AGBL1: variants seen among roughly 807,000 people sequenced by gnomAD.
AGBL1 encodes the protein AGBL carboxypeptidase 1, also known as cytosolic carboxypeptidase 4.
Under a neutral mutation model 118.9 loss-of-function variants are expected in AGBL1, and 130 were observed. The observed-to-expected ratio is 1.09, with a 90% CI of 0.95 to 1.26. The LOEUF (loss-of-function observed/expected upper bound fraction) is 1.26. AGBL1 is among the 50% of genes most tolerant of loss of function. The probability of loss-of-function intolerance (pLI) is 0.00; values close to 1 mark genes in which losing one functional copy is unlikely to be tolerated. For missense variants in AGBL1, 1,584 were observed against 1,298.1 expected, an observed-to-expected ratio of 1.22 and a Z score of -3.38; for synonymous variants, 555 against 478.9, an observed-to-expected ratio of 1.16 and a Z score of -2.08.
chr15:86,470,927 A>C (rs1440219468), intron 18 of AGBL1, among the ~76,000 whole-genome samples: 2 of 152,072 alleles, frequency 1.3e-5, no homozygotes, highest in African/African-American at 4.8e-5. Context: ...GTTTTGGTGG[A>C]GTCTTTAGGA....
chr15:86,527,541 C>G (rs2083283342), intron 19 of AGBL1, among the ~76,000 whole-genome samples: 1 of 152,118 alleles, frequency 6.6e-6, no homozygotes, highest in Non-Finnish European at 1.5e-5. Context: ...TAATGAGTCT[C>G]CTGCTGGCAG....
intron 1 of AGBL1, among the ~76,000 whole-genome samples, chr15:86,113,565 T>C (rs1597409934): frequency 6.6e-6 from 1 of 152,048 alleles, no homozygotes; most frequent in Admixed American, 6.6e-5. Context: ...GGATTACAGG[T>C]GTGAGCCACT....
At chr15:86,196,623 A>C (rs2077806774) in intron 5 of AGBL1, among the ~76,000 whole-genome samples, 1 of 152,174 alleles carries the variant, frequency 6.6e-6, no homozygotes, top group Non-Finnish European at 1.5e-5. Context: ...AGTGTCAAGT[A>C]GATCACTAAC....
rs557613909 is a variant in AGBL1, at chr15:86,491,429, T to G, written c.2556-31381T>G. Among the ~76,000 whole-genome samples, 68 of 152,200 alleles carry G rather than the reference T, an allele frequency of 4.5e-4. 3 individuals are homozygous for G. In the South Asian group the frequency reaches 0.011, roughly 25 times the overall value. ...TGCTAAGGGATCCTTTCTGACTCTA[T>G]CCAGAGAGCTCTGGGAATTCTGTGA... On this transcript the variant is annotated intron_variant, in intron 18 of 22. Coordinates refer to ENST00000614907, the MANE Select transcript of AGBL1 (RefSeq NM_001386094.1).
intron 21 of AGBL1, among the ~76,000 whole-genome samples, chr15:86,637,333 C>G (rs2085113536): frequency 6.6e-6 from 1 of 151,904 alleles, no homozygotes; most frequent in Non-Finnish European, 1.5e-5. Flanking sequence ...GAGGAATGAC[C>G]TGGGTGAAGG....
chr15:86,482,724 T>C (rs1480406316), intron 18 of AGBL1, among the ~76,000 whole-genome samples: 1 of 152,152 alleles, frequency 6.6e-6, no homozygotes, highest in Non-Finnish European at 1.5e-5. Flanking sequence ...CTTGTAGTCA[T>C]GTTCTTGCCA....
intron 1 of AGBL1, among the ~76,000 whole-genome samples, chr15:86,108,929 C>T (rs1897207333): frequency 6.6e-6 from 1 of 152,154 alleles, no homozygotes; most frequent in Non-Finnish European, 1.5e-5. Flanking sequence ...TGCTCTCCAA[C>T]CTGGGCAACA....
At chr15:86,203,431 G>A (rs986187619) in intron 5 of AGBL1, among the ~76,000 whole-genome samples, 3 of 152,106 alleles carry the variant, frequency 2.0e-5, no homozygotes, top group Non-Finnish European at 4.4e-5. Flanking sequence ...TCTGAAACTG[G>A]CAACCTAAAT....
intron 23 of AGBL1, among the ~76,000 whole-genome samples, chr15:86,947,195 T>C (rs1361549002): frequency 1.3e-5 from 2 of 152,346 alleles, no homozygotes; most frequent in East Asian, 1.9e-4. Flanking sequence ...CCGGCTCCTG[T>C]TGACTAAGTA....
chr15:86,697,947 C>G (rs1054129115), intron 22 of AGBL1, among the ~76,000 whole-genome samples: 1 of 151,948 alleles, frequency 6.6e-6, no homozygotes, highest in Non-Finnish European at 1.5e-5. Flanking sequence ...CTCCCAGGTC[C>G]TGCAACAACA....
At chr15:86,364,657 C>CAA (rs1473322560) in intron 17 of AGBL1, among the ~76,000 whole-genome samples, 3 of 152,048 alleles carry the variant, frequency 2.0e-5, no homozygotes, top group Non-Finnish European at 4.4e-5. Context: ...TATTGATATA[C>CAA]AACTGTATTT....
chr15:86,586,041 G>A (rs757701343), intron 21 of AGBL1, among the ~76,000 whole-genome samples: 12 of 152,218 alleles, frequency 7.9e-5, no homozygotes, highest in Non-Finnish European at 1.6e-4. Flanking sequence ...CTGTCGGCAT[G>A]CCTCTGCACC....
chr15:86,170,353 G>A (rs1597488420), intron 5 of AGBL1, among the ~76,000 whole-genome samples: 1 of 152,208 alleles, frequency 6.6e-6, no homozygotes, highest in East Asian at 1.9e-4. Flanking sequence ...GAGCACTAGT[G>A]AACTATGGGA....
chr15:86,764,769 C>T (rs1042527413), intron 22 of AGBL1, among the ~76,000 whole-genome samples: 3 of 151,964 alleles, frequency 2.0e-5, no homozygotes, highest in African/African-American at 2.4e-5. Context: ...TTTATAACTA[C>T]GAAATTTTTA....
chr15:86,683,576 T>C (rs1212821311), intron 22 of AGBL1, among the ~76,000 whole-genome samples: 1 of 152,094 alleles, frequency 6.6e-6, no homozygotes. Flanking sequence ...ACATTGCCAG[T>C]CAACATGGGG....
chr15:86,598,312 C>A (rs981229681), intron 21 of AGBL1, among the ~76,000 whole-genome samples: 2 of 152,206 alleles, frequency 1.3e-5, no homozygotes, highest in Non-Finnish European at 2.9e-5. Context: ...ACTAAAATGA[C>A]AATTAATAGT....
chr15:87,013,054 T>TAA (rs2081576821), intron 24 of AGBL1, among the ~76,000 whole-genome samples: 2 of 152,214 alleles, frequency 1.3e-5, no homozygotes, highest in Admixed American at 6.5e-5. Context: ...TGTTAAGTAT[T>TAA]TTCTTGTAGC....
chr15:86,870,730 G>T (rs1356756719), intron 22 of AGBL1, among the ~76,000 whole-genome samples: 1 of 152,154 alleles, frequency 6.6e-6, no homozygotes, highest in East Asian at 1.9e-4. Flanking sequence ...AAGAGATGCA[G>T]TGTAATCATG....
At chr15:86,719,976 T>C (rs2086692458) in intron 22 of AGBL1, among the ~76,000 whole-genome samples, 1 of 152,228 alleles carries the variant, frequency 6.6e-6, no homozygotes, top group Admixed American at 6.5e-5. Flanking sequence ...CCTAGCTTTC[T>C]CATCTAGTCA....
Sources: gnomAD v4.1 joint callset for allele counts (sites outside exome capture counted in the v4.1 genomes callset) on GRCh38, gnomAD v4.1.1 for gene constraint, MANE v1.5 for transcripts, NCBI Gene and HGNC (gene_info 2026-07-23, HGNC 2026-07-21) for gene names.